Variants in STK38 observed in about 807,000 individuals in gnomAD.
The protein encoded by STK38 is serine/threonine-protein kinase 38.
Under a neutral mutation model 59.0 loss-of-function variants are expected in STK38, and 26 were observed. The observed-to-expected ratio is 0.44, with a 90% confidence interval of 0.32 to 0.61. STK38 has a LOEUF of 0.61. STK38 is among the 20% of genes least tolerant of loss of function. The probability of loss-of-function intolerance (pLI) is 0.04; values close to 1 mark genes in which losing one functional copy is unlikely to be tolerated. For missense variants in STK38, 433 were observed against 566.0 expected (o/e 0.76, Z 2.38); for synonymous variants, 175 against 176.6 (o/e 0.99, Z 0.07).
At chr6:36,503,431 T>G (rs1483093791) in intron 9 of STK38, among the ~76,000 whole-genome samples, 2 of 149,784 alleles carry the variant, frequency 1.3e-5, no homozygotes, top group Non-Finnish European at 3.0e-5. Flanking sequence ...TATAGCTAAG[T>G]GTGTGTGTGT....
At chr6:36,515,302 A>T in intron 7 of STK38, 36 bp downstream of exon 7, 1 of 1,606,192 alleles carries the variant, frequency 6.2e-7, no homozygotes, top group African/African-American at 1.3e-5. Flanking sequence ...TCAGATCAGT[A>T]AACGTGCATA....
intron 9 of STK38, among the ~76,000 whole-genome samples, chr6:36,505,076 C>T (rs1269274918): frequency 6.6e-6 from 1 of 152,122 alleles, no homozygotes; most frequent in Admixed American, 6.5e-5. Flanking sequence ...ACATTCACTG[C>T]ACAGTAGAAT....
chr6:36,525,739 C>A, intron 2 of STK38, 97 bp from the exon 3 acceptor site: 5 of 937,588 alleles, frequency 5.3e-6, no homozygotes, highest in South Asian at 4.9e-5. Flanking sequence ...TTAAAAATGA[C>A]ACAAACAGGT....
chr6:36,513,988 T>C (rs970700478), intron 7 of STK38, among the ~76,000 whole-genome samples: 1 of 149,928 alleles, frequency 6.7e-6, no homozygotes, highest in South Asian at 2.1e-4. Flanking sequence ...ACCCCGTCTC[T>C]ACTAAAAATA....
Position 36,521,785 on chromosome 6 carries a change from A to G in STK38, c.339T>C (p.His113=). Residue 113 remains histidine, a synonymous_variant, in exon 5 of 14, where the codon CAT becomes CAC. Transcript: ENST00000229812. ...TACGGAGTATTTTCATTGCATACACATGTCCCGTATCTTTCTTCTGAACAA... is the reference window on the plus strand; with the variant it reads ...TACGGAGTATTTTCATTGCATACACGTGTCCCGTATCTTTCTTCTGAACAA... The part of the protein sequence containing the change: ...VRLVQKKDTG[H]VYAMKILRKA... 1 of 1,611,494 alleles carries G rather than the reference A, an allele frequency of 6.2e-7. No individual in the cohort carries two copies. The highest frequency in any genetic ancestry group is 8.5e-7 in the Non-Finnish European group (1 of 1,179,520).
chr6:36,521,950 A>ATTTTCTTCTGCTTT, intron 4 of STK38, 133 bp from the exon 5 acceptor site: 1 of 648,352 alleles, frequency 1.5e-6, no homozygotes, highest in Non-Finnish European at 2.5e-6. Flanking sequence ...ATAACAAAGC[A>ATTTTCTTCTGCTTT]GAAGAAAATG....
At chr6:36,541,464 C>T (rs909495686) in intron 1 of STK38, among the ~76,000 whole-genome samples, 1 of 152,018 alleles carries the variant, frequency 6.6e-6, no homozygotes, top group African/African-American at 2.4e-5. Flanking sequence ...TTGAAGAAAT[C>T]AAAGACCCAT....
At chr6:36,515,562 C>T (rs943958886) in intron 6 of STK38, 70 bp from the exon 7 acceptor site, 259 of 1,568,160 alleles carry the variant, frequency 1.7e-4, no homozygotes, top group Non-Finnish European at 2.0e-4. Context: ...ACACAACATA[C>T]GAGTGAGTAC....
chr6:36,514,821 C>T (rs1209385816), intron 7 of STK38, among the ~76,000 whole-genome samples: 1 of 140,284 alleles, frequency 7.1e-6, no homozygotes, highest in Non-Finnish European at 1.5e-5. Context: ...GCACTCCAGC[C>T]TGGGCAAACA....
chr6:36,532,621 C>A (rs1008493882), intron 2 of STK38, among the ~76,000 whole-genome samples: 2 of 151,980 alleles, frequency 1.3e-5, no homozygotes, highest in Non-Finnish European at 2.9e-5. Context: ...ACTAAAAATA[C>A]AAAAATTAGG....
At chr6:36,516,017 G>C (rs948149117) in intron 6 of STK38, among the ~76,000 whole-genome samples, 1 of 152,064 alleles carries the variant, frequency 6.6e-6, no homozygotes, top group Non-Finnish European at 1.5e-5. Flanking sequence ...GAAGGACTTG[G>C]GTAGCAAAGC....
In STK38 at chr6:36,533,447, C is replaced by T. The variant is rs114388235; in HGVS notation, c.131+6625G>A. Among the ~76,000 whole-genome samples, 884 of 152,306 alleles carry T rather than the reference C, an allele frequency of 5.8e-3. 2 individuals carry two copies. Among genetic ancestry groups the T allele is most frequent in the South Asian group, 9.3e-3 (45 of 4,830 alleles). On this transcript the variant is annotated intron_variant, in intron 2 of 13. Transcript: ENST00000229812. Reference sequence around the variant, plus strand: ...TTCAAAAAAAGCAAAACCACCAATGCTGTATTTTTAAAATTTTGTTTATTT... The same window carrying T: ...TTCAAAAAAAGCAAAACCACCAATGTTGTATTTTTAAAATTTTGTTTATTT...
chr6:36,506,967 A>C (rs1432458452), intron 8 of STK38, among the ~76,000 whole-genome samples: 1 of 152,214 alleles, frequency 6.6e-6, no homozygotes, highest in Non-Finnish European at 1.5e-5. Context: ...GTGGACCTAA[A>C]ACAGTCACAA....
chr6:36,529,956 T>C (rs1443479574), intron 2 of STK38, among the ~76,000 whole-genome samples: 2 of 152,048 alleles, frequency 1.3e-5, no homozygotes, highest in Non-Finnish European at 2.9e-5. Context: ...TTAACAGAAA[T>C]AGGGCCAGGC....
intron 5 of STK38, among the ~76,000 whole-genome samples, chr6:36,521,414 T>C (rs1777372425): frequency 6.6e-6 from 1 of 151,916 alleles, no homozygotes; most frequent in African/African-American, 2.4e-5. Flanking sequence ...AGAAACACAC[T>C]ACCACACCAC....
At chr6:36,544,775 G>A (rs1778020552) in intron 1 of STK38, among the ~76,000 whole-genome samples, 1 of 152,172 alleles carries the variant, frequency 6.6e-6, no homozygotes, top group African/African-American at 2.4e-5. Context: ...AGGAGGCTGA[G>A]GTGGGAGGAT....
At chr6:36,512,007 C>T (rs1462385826) in intron 7 of STK38, among the ~76,000 whole-genome samples, 1 of 152,118 alleles carries the variant, frequency 6.6e-6, no homozygotes, top group Non-Finnish European at 1.5e-5. Context: ...CACAGTGAGC[C>T]AAGATCACAT....
intron 1 of STK38, among the ~76,000 whole-genome samples, chr6:36,546,737 G>A (rs1189360965): frequency 6.6e-6 from 1 of 152,126 alleles, no homozygotes; most frequent in Admixed American, 6.5e-5. Flanking sequence ...ACGGAGAAAG[G>A]AGCCGACTCA....
Position 36,507,390 on chromosome 6 carries a change from T to C in STK38, c.772+110A>G, listed in dbSNP as rs77163052. On this transcript the variant is annotated intron_variant, in intron 8 of 13. Coordinates refer to ENST00000229812, the MANE Select transcript of STK38 (RefSeq NM_007271.4). ...AACCTGGGAAGGTATTTTTATTCTC[T>C]ACATACTCAAAGTGTGAGAATCTCC... 1.5e-3 allele frequency: 1,348 copies of C among 907,740 alleles called. 14 individuals carry two copies. The African/African-American group carries it at 0.02, about 14-fold the overall frequency. 56.2% of individuals were successfully genotyped at this position (907,740 alleles called of 1,614,324 possible).
Sources: allele counts gnomAD v4.1 joint callset (sites outside exome capture counted in the v4.1 genomes callset), GRCh38; gene constraint gnomAD v4.1.1; transcripts MANE v1.5; gene names NCBI Gene and HGNC (gene_info 2026-07-23, HGNC 2026-07-21).